Variants in UGT1A8 observed in about 807,000 individuals in gnomAD.
UGT1A8 encodes the protein UDP-glucuronosyltransferase 1A8.
UGT1A8 carries 39 observed loss-of-function variants against 45.3 expected under a neutral mutation model. That is an observed-to-expected ratio of 0.86 (90% CI 0.67 to 1.12). UGT1A8 has a LOEUF of 1.12. UGT1A8 is among the 50% of genes most tolerant of loss of function. The pLI is 0.00. For synonymous variants in UGT1A8, 275 were observed against 249.2 expected, an observed-to-expected ratio of 1.10 and a Z score of -0.97; for missense variants, 719 against 664.9, an observed-to-expected ratio of 1.08 and a Z score of -0.90.
intron 1 of UGT1A8, chr2:233,748,062 A>G (rs531373066): frequency 3.5e-4 from 569 of 1,613,430 alleles, no homozygotes; most frequent in Admixed American, 9.3e-4. Context: ...CTGTGCCAAC[A>G]GGAAGCCACT....
At chr2:233,690,692 C>T in intron 1 of UGT1A8, 1 of 1,247,740 alleles carries the variant, frequency 8.0e-7, no homozygotes, top group Admixed American at 2.9e-5. Context: ...AGCGGAGCTA[C>T]TCTTTAGGGA....
At chr2:233,704,707 C>A (rs545458550) in intron 1 of UGT1A8, among the ~76,000 whole-genome samples, 1 of 152,192 alleles carries the variant, frequency 6.6e-6, no homozygotes, top group African/African-American at 2.4e-5. Flanking sequence ...CATTTCTTAG[C>A]CCAATTTGCC....
At chr2:233,676,958 G>A (rs1023750959) in intron 1 of UGT1A8, among the ~76,000 whole-genome samples, 1 of 151,902 alleles carries the variant, frequency 6.6e-6, no homozygotes, top group African/African-American at 2.4e-5. Context: ...GATTACTATA[G>A]CTGTGTAATA....
At chr2:233,624,885 A>G (rs891340387) in intron 1 of UGT1A8, among the ~76,000 whole-genome samples, 1 of 152,064 alleles carries the variant, frequency 6.6e-6, no homozygotes, top group Non-Finnish European at 1.5e-5. Context: ...TAAGTATTTC[A>G]TGTTTTTGAT....
chr2:233,715,168 G>T (rs926967380), intron 1 of UGT1A8, among the ~76,000 whole-genome samples: 1 of 152,054 alleles, frequency 6.6e-6, no homozygotes, highest in African/African-American at 2.4e-5. Flanking sequence ...TTACAGGCGC[G>T]AGCCACCACA....
At chr2:233,654,521 C>T (rs2073812063) in intron 1 of UGT1A8, among the ~76,000 whole-genome samples, 1 of 152,130 alleles carries the variant, frequency 6.6e-6, no homozygotes, top group Non-Finnish European at 1.5e-5. Flanking sequence ...TAGAAAAAAA[C>T]GTTTTCTGCA....
At chr2:233,751,971 G>A (rs1694860296) in intron 1 of UGT1A8, among the ~76,000 whole-genome samples, 1 of 152,158 alleles carries the variant, frequency 6.6e-6, no homozygotes, top group Non-Finnish European at 1.5e-5. Context: ...TCTGAGAAAA[G>A]GAAATGAATC....
Position 233,625,816 on chromosome 2 carries a change from G to A in UGT1A8, c.855+7254G>A, listed in dbSNP as rs189231648. ...GGGGAGAGGAAGGGATGCAGGAGTTGAAAAACTATTGGGTAATATGCTCAG... is the reference window on the plus strand; with the variant it reads ...GGGGAGAGGAAGGGATGCAGGAGTTAAAAAACTATTGGGTAATATGCTCAG... On this transcript the variant is annotated intron_variant, in intron 1 of 4. Coordinates refer to ENST00000373450, the MANE Select transcript of UGT1A8 (RefSeq NM_019076.5). 1.8e-4 allele frequency among the ~76,000 whole-genome samples: 28 copies of A among 151,906 alleles called. 1 individual carries two copies. The highest frequency in any genetic ancestry group is 4.1e-4 in the Non-Finnish European group (28 of 67,874).
chr2:233,712,855 A>T lies in UGT1A8; in HGVS notation c.856-54179A>T. ...ATTATAGATTAACGGGTAATAAGTAACTGGAGGAGGGCACTCTGTCTTCAA... is the reference window on the plus strand; with the variant it reads ...ATTATAGATTAACGGGTAATAAGTATCTGGAGGAGGGCACTCTGTCTTCAA... On this transcript the variant is annotated intron_variant, in intron 1 of 4. Coordinates refer to ENST00000373450, the MANE Select transcript of UGT1A8 (RefSeq NM_019076.5). The T allele has an allele frequency of 4.5e-6, 7 of 1,553,020 alleles. No individual in the cohort carries two copies. In the South Asian group the frequency reaches 8.4e-5, roughly 19 times the overall value.
At chr2:233,721,816 C>A (rs1463155812) in intron 1 of UGT1A8, 4 of 516,128 alleles carry the variant, frequency 7.8e-6, no homozygotes, top group Non-Finnish European at 1.6e-5. Context: ...AAATCCAGCA[C>A]CCTATTTGGG....
At chr2:233,707,992 C>T (rs1304357209) in intron 1 of UGT1A8, among the ~76,000 whole-genome samples, 2 of 152,156 alleles carry the variant, frequency 1.3e-5, no homozygotes, top group Non-Finnish European at 2.9e-5. Flanking sequence ...GTTGTCTACT[C>T]GAATTATGTA....
chr2:233,713,507 C>T (rs113654637), intron 1 of UGT1A8: 65 of 1,613,816 alleles, frequency 4.0e-5, no homozygotes, highest in Admixed American at 2.7e-4. Context: ...CTGTGTTTTT[C>T]TTGAGGAACA....
At chr2:233,636,634 T>C (rs776451483) in intron 1 of UGT1A8, 2 of 1,614,152 alleles carry the variant, frequency 1.2e-6, no homozygotes, top group Non-Finnish European at 8.5e-7. Context: ...TGGGAGTCAC[T>C]GGTTCACCAT....
chr2:233,633,523 C>T (rs2125456172), intron 1 of UGT1A8, among the ~76,000 whole-genome samples: 1 of 152,278 alleles, frequency 6.6e-6, no homozygotes, highest in East Asian at 1.9e-4. Flanking sequence ...CTGCTTCTTC[C>T]TGGTTTAGTC....
intron 1 of UGT1A8, among the ~76,000 whole-genome samples, chr2:233,684,305 C>T (rs918223536): frequency 8.5e-5 from 13 of 152,174 alleles, no homozygotes; most frequent in Non-Finnish European, 1.8e-4. Context: ...CAAGACCAGG[C>T]GAGGAGATGC....
chr2:233,717,042 C>T (rs1248182808), intron 1 of UGT1A8, among the ~76,000 whole-genome samples: 1 of 152,164 alleles, frequency 6.6e-6, no homozygotes, highest in African/African-American at 2.4e-5. Context: ...GATACATGGG[C>T]CTCCGCAGGG....
At chr2:233,757,045 G>A (rs1250213092) in intron 1 of UGT1A8, among the ~76,000 whole-genome samples, 2 of 151,734 alleles carry the variant, frequency 1.3e-5, no homozygotes, top group Non-Finnish European at 2.9e-5. Flanking sequence ...ATCAAAGGAA[G>A]TTTGGGGAAC....
chr2:233,690,373 G>A (rs1474964676), intron 1 of UGT1A8: 3 of 883,872 alleles, frequency 3.4e-6, no homozygotes, highest in Non-Finnish European at 4.6e-6. Context: ...CCTCTCCATA[G>A]GGTCCACGTT....
intron 1 of UGT1A8, among the ~76,000 whole-genome samples, chr2:233,724,946 C>T (rs1421347433): frequency 3.5e-5 from 5 of 144,538 alleles, no homozygotes; most frequent in African/African-American, 5.3e-5. Flanking sequence ...TCTGCAATCC[C>T]GGCACCTCGG....
Sources: allele counts gnomAD v4.1 joint callset (sites outside exome capture counted in the v4.1 genomes callset), GRCh38; gene constraint gnomAD v4.1.1; transcripts MANE v1.5; gene names NCBI Gene and HGNC (gene_info 2026-07-23, HGNC 2026-07-21).